Variants in CCDC30 observed in about 807,000 individuals in gnomAD.
CCDC30 encodes coiled-coil domain-containing protein 30.
Under a neutral mutation model 100.2 loss-of-function variants are expected in CCDC30, and 70 were observed. The ratio of observed to expected loss-of-function variants is 0.70; its 90% CI spans 0.58 to 0.85. The LOEUF is 0.85. Ranked by LOEUF, CCDC30 falls within the 40% of genes least tolerant of loss-of-function variation. CCDC30 has a pLI of 0.00. For missense variants in CCDC30, 652 were observed against 771.2 expected, an observed-to-expected ratio of 0.85 and a Z score of 1.83; for synonymous variants, 233 against 269.5, an observed-to-expected ratio of 0.86 and a Z score of 1.33.
chr1:42,544,601 A>C (rs1017867188), intron 6 of CCDC30, among the ~76,000 whole-genome samples: 2 of 151,824 alleles, frequency 1.3e-5, no homozygotes, highest in South Asian at 2.1e-4. Context: ...TGCAATCTCC[A>C]CCTCCCAGGC....
chr1:42,654,117 C>A, exon 17 of CCDC30: 2 of 861,082 alleles, frequency 2.3e-6, no homozygotes, highest in Non-Finnish European at 3.7e-6. Flanking sequence ...AGAGTTACCA[C>A]AGATCCCAAA....
intron 6 of CCDC30, among the ~76,000 whole-genome samples, chr1:42,519,958 T>C (rs1557821849): frequency 6.6e-6 from 1 of 152,238 alleles, no homozygotes. Flanking sequence ...GTATCTGTTG[T>C]AATGCCCTCA....
intron 10 of CCDC30, chr1:42,589,755 C>A (rs1210216936): frequency 2.4e-5 from 6 of 250,782 alleles, no homozygotes; most frequent in Non-Finnish European, 4.5e-5. Flanking sequence ...CACAGAGAAG[C>A]CACCTCCTGC....
At chr1:42,556,652 G>A (rs1044620324) in intron 6 of CCDC30, among the ~76,000 whole-genome samples, 1 of 152,092 alleles carries the variant, frequency 6.6e-6, no homozygotes, top group African/African-American at 2.4e-5. Context: ...AAACAATCCA[G>A]GTACACTCTT....
chr1:42,458,017 A>AG, the CCDC30 span, among the ~76,000 whole-genome samples: 23 of 152,048 alleles, frequency 1.5e-4, 1 homozygote, highest in African/African-American at 5.3e-4. Context: ...GAAGTGGGAA[A>AG]GGTCATTCCA....
downstream of CCDC30, among the ~76,000 whole-genome samples, chr1:42,655,078 T>G (rs1416680582): frequency 6.6e-6 from 1 of 152,192 alleles, no homozygotes; most frequent in African/African-American, 2.4e-5. Context: ...AAGTGGTTAT[T>G]ATAATATTGT....
chr1:42,495,240 G>A (rs538314540), intron 4 of CCDC30, among the ~76,000 whole-genome samples: 1 of 151,720 alleles, frequency 6.6e-6, no homozygotes, highest in Non-Finnish European at 1.5e-5. Flanking sequence ...ATCATTCTCA[G>A]TAAACTATTG....
chr1:42,475,921 G>A (rs1455297225), intron 1 of CCDC30, among the ~76,000 whole-genome samples: 2 of 151,874 alleles, frequency 1.3e-5, no homozygotes, highest in Non-Finnish European at 2.9e-5. Context: ...TGAGAATTAA[G>A]TTGATATAAA....
At chr1:42,622,476 A>G (rs1295003678) in intron 11 of CCDC30, among the ~76,000 whole-genome samples, 1 of 152,196 alleles carries the variant, frequency 6.6e-6, no homozygotes, top group Non-Finnish European at 1.5e-5. Context: ...GCTCAAATAT[A>G]TGATAGCTCA....
At chr1:42,551,766 T>TGTGTGTGTGA (rs1645257084) in intron 6 of CCDC30, among the ~76,000 whole-genome samples, 1 of 151,638 alleles carries the variant, frequency 6.6e-6, no homozygotes, top group Non-Finnish European at 1.5e-5. Flanking sequence ...TGTGTGTGTG[T>TGTGTGTGTGA]GTGTGTGTGA....
chr1:42,620,561 T>C (rs1040871767), intron 11 of CCDC30, among the ~76,000 whole-genome samples: 76 of 148,764 alleles, frequency 5.1e-4, no homozygotes, highest in African/African-American at 1.8e-3. Flanking sequence ...TTATTCAAAG[T>C]ATGTGGGACA....
intron 6 of CCDC30, 32 bp downstream of exon 7, chr1:42,536,633 C>G (rs1644910633): frequency 7.1e-7 from 1 of 1,411,042 alleles, no homozygotes; most frequent in South Asian, 1.2e-5. Context: ...TTTTCTTCTT[C>G]TTGTAGTTCT....
chr1:42,541,283 A>AAGAAGTGT (rs1299223120), intron 6 of CCDC30, among the ~76,000 whole-genome samples: 2 of 152,210 alleles, frequency 1.3e-5, no homozygotes, highest in African/African-American at 4.8e-5. Flanking sequence ...CTCTTCTCAA[A>AAGAAGTGT]AGGGCACTAC....
chr1:42,648,675 A>AAAAC (rs955008350), intron 15 of CCDC30, among the ~76,000 whole-genome samples: 1 of 152,184 alleles, frequency 6.6e-6, no homozygotes, highest in African/African-American at 2.4e-5. Context: ...GTCTCAAAAC[A>AAAAC]AAACAAACAA....
At chr1:42,510,485 C>T (rs1644460389) in intron 6 of CCDC30, among the ~76,000 whole-genome samples, 1 of 151,978 alleles carries the variant, frequency 6.6e-6, no homozygotes, top group Non-Finnish European at 1.5e-5. Context: ...GGTGAAAACC[C>T]GTCTTTACTA....
At chr1:42,498,964 T>G in intron 6 of CCDC30, 48 bp downstream of exon 6, 1 of 1,039,332 alleles carries the variant, frequency 9.6e-7, no homozygotes, top group Non-Finnish European at 1.2e-6. Context: ...ATTTTTGAGT[T>G]GCATTTTTAC....
upstream of CCDC30, among the ~76,000 whole-genome samples, chr1:42,458,989 GTTTA>G (rs1234028056): frequency 6.6e-6 from 1 of 152,122 alleles, no homozygotes; most frequent in Non-Finnish European, 1.5e-5. Flanking sequence ...ATTTGTATCT[GTTTA>G]TTTGAGGGTT....
upstream of CCDC30, chr1:42,459,700 C>T (rs755519019): frequency 3.1e-6 from 5 of 1,614,046 alleles, no homozygotes; most frequent in Admixed American, 3.3e-5. Flanking sequence ...ACTGACCCCG[C>T]CATTGTAATT....
chr1:42,581,130 C>A, intron 8 of CCDC30: 1 of 417,346 alleles, frequency 2.4e-6, no homozygotes, highest in Non-Finnish European at 4.4e-6. Flanking sequence ...CGTGAGCCAG[C>A]ATGTCTGGCC....
Sources: gnomAD v4.1 joint callset for allele counts (sites outside exome capture counted in the v4.1 genomes callset) on GRCh38, gnomAD v4.1.1 for gene constraint, MANE v1.5 for transcripts, NCBI Gene and HGNC (gene_info 2026-07-23, HGNC 2026-07-21) for gene names.